Variants in WIPF1 observed in about 807,000 individuals in gnomAD.
WIPF1 encodes WAS/WASL-interacting protein family member 1.
Under a neutral mutation model 35.4 loss-of-function variants are expected in WIPF1, and 13 were observed. The ratio of observed to expected loss-of-function variants is 0.37; its 90% CI spans 0.24 to 0.58. The LOEUF (loss-of-function observed/expected upper bound fraction) is 0.58, where lower values mean the gene tolerates loss of function less well. WIPF1 is among the 20% of genes least tolerant of loss of function. WIPF1 has a pLI of 0.74. For synonymous variants in WIPF1, 267 were observed against 266.3 expected (o/e 1.00, Z -0.02); for missense variants, 591 against 667.0 (o/e 0.89, Z 1.25).
intron 3 of WIPF1, among the ~76,000 whole-genome samples, chr2:174,578,523 T>C (rs1027505118): frequency 6.6e-6 from 1 of 152,220 alleles, no homozygotes; most frequent in Non-Finnish European, 1.5e-5. Context: ...AATATATGCT[T>C]TTCTTAGAAA....
chr2:174,586,246 C>G (rs1188734277), intron 1 of WIPF1, among the ~76,000 whole-genome samples: 1 of 152,118 alleles, frequency 6.6e-6, no homozygotes, highest in Non-Finnish European at 1.5e-5. Context: ...CCAGCCATCC[C>G]TATCTCTGTG....
At chr2:174,589,501 A>G (rs747232113) in intron 1 of WIPF1, among the ~76,000 whole-genome samples, 18 of 152,180 alleles carry the variant, frequency 1.2e-4, no homozygotes, top group Non-Finnish European at 2.1e-4. Flanking sequence ...GACAGCCCAC[A>G]TCAGAGCCAC....
At chr2:174,567,475 A>G (rs1684698629) in intron 6 of WIPF1, among the ~76,000 whole-genome samples, 1 of 152,254 alleles carries the variant, frequency 6.6e-6, no homozygotes, top group Admixed American at 6.5e-5. Context: ...CCCCATTGAT[A>G]ACAATGGCAG....
intron 3 of WIPF1, among the ~76,000 whole-genome samples, chr2:174,578,376 T>C (rs1685131355): frequency 2.0e-5 from 3 of 152,232 alleles, no homozygotes; most frequent in African/African-American, 7.2e-5. Context: ...GAATGACTTA[T>C]ACAGCATTTG....
chr2:174,625,412 C>T (rs371049474), intron 1 of WIPF1, among the ~76,000 whole-genome samples: 25 of 152,242 alleles, frequency 1.6e-4, no homozygotes, highest in Middle Eastern at 3.4e-3. Context: ...CTGAAATGCC[C>T]GGGTTTGTTT....
At position 174,562,190 on chromosome 2, in the gene WIPF1, C is replaced by T; in HGVS notation, c.*357G>A. 1 of 1,550,388 alleles carries T rather than the reference C, an allele frequency of 6.4e-7. No homozygotes were observed. The highest frequency in any genetic ancestry group is 8.7e-7 in the Non-Finnish European group (1 of 1,146,960). Reference sequence around the variant, plus strand: ...AAAAGGAACGGGAGAAAACAGCTCTCAGGGACTTTAATAATTACAGTCTGT... The same window carrying T: ...AAAAGGAACGGGAGAAAACAGCTCTTAGGGACTTTAATAATTACAGTCTGT... On this transcript the variant is annotated 3_prime_UTR_variant, in exon 8 of 8. Coordinates refer to ENST00000679041, the MANE Select transcript of WIPF1 (RefSeq NM_001375834.1).
At chr2:174,602,595 C>T (rs1033765273), upstream of WIPF1, among the ~76,000 whole-genome samples, 2 of 152,088 alleles carry the variant, frequency 1.3e-5, no homozygotes, top group African/African-American at 2.4e-5. Context: ...AATCTATTTT[C>T]AAAATGTTAA....
intron 1 of WIPF1, among the ~76,000 whole-genome samples, chr2:174,682,516 G>A (rs1254275617): frequency 1.3e-5 from 2 of 152,076 alleles, no homozygotes; most frequent in African/African-American, 2.4e-5. Flanking sequence ...GGCTGTCCAC[G>A]GCCCCTTCCT....
rs538750249 is a variant in WIPF1 at position 174,631,535 on chromosome 2, T to C, written c.-38-45924A>G. On this transcript the variant is annotated intron_variant, in intron 1 of 8. Coordinates refer to the WIPF1 transcript ENST00000272746. ...CAAAATAAAGAGTTCTGGAGATTGG[T>C]TGCACAATATGAATATACTTAACGC... Among the ~76,000 whole-genome samples the C allele has an allele frequency of 1.4e-4, 22 of 152,300 alleles. 1 individual carries two copies. The South Asian group carries it at 4.3e-3, about 30-fold the overall frequency.
chr2:174,670,409 A>C (rs2105985553), intron 1 of WIPF1, among the ~76,000 whole-genome samples: 1 of 152,322 alleles, frequency 6.6e-6, no homozygotes, highest in Non-Finnish European at 1.5e-5. Context: ...AGAATTCAGA[A>C]AGCCCTTGTC....
intron 6 of WIPF1, 86 bp from the exon 7 acceptor site, chr2:174,567,269 A>G: frequency 8.1e-7 from 1 of 1,234,928 alleles, no homozygotes; most frequent in Non-Finnish European, 1.2e-6. Flanking sequence ...TGAAAGAGAG[A>G]GAGAACCACA....
Position 174,562,051 on chromosome 2 carries a change from C to T in WIPF1, c.*496G>A, listed in dbSNP as rs376585661. 12 of 1,550,144 alleles carry T rather than the reference C, an allele frequency of 7.7e-6. 1 individual carries two copies. In the South Asian group the frequency reaches 1.2e-4, roughly 15 times the overall value. ...GACAGCTCTGTCCTAGAGCCAAGCT[C>T]GGACTGCCAAAGATTGGACATCCTG... On this transcript the variant is annotated 3_prime_UTR_variant, in exon 8 of 8. Transcript: ENST00000679041.
intron 1 of WIPF1, among the ~76,000 whole-genome samples, chr2:174,621,514 G>A (rs538467755): frequency 6.6e-6 from 1 of 150,568 alleles, no homozygotes; most frequent in South Asian, 2.1e-4. Context: ...CACCCCCATC[G>A]CCCACACACT....
chr2:174,651,839 T>C (rs1687539620), intron 1 of WIPF1, among the ~76,000 whole-genome samples: 1 of 152,224 alleles, frequency 6.6e-6, no homozygotes, highest in Non-Finnish European at 1.5e-5. Context: ...AGACAGCTAT[T>C]CTCTGTTCCA....
At chr2:174,682,143 CT>C (rs1688261577) in intron 1 of WIPF1, among the ~76,000 whole-genome samples, 1 of 152,254 alleles carries the variant, frequency 6.6e-6, no homozygotes, top group Non-Finnish European at 1.5e-5. Context: ...CCCGTCCCCA[CT>C]CCGGGCGAAA....
chr2:174,588,131 A>G (rs569517140), intron 1 of WIPF1, among the ~76,000 whole-genome samples: 20 of 152,284 alleles, frequency 1.3e-4, no homozygotes, highest in African/African-American at 4.8e-4. Flanking sequence ...GATCTGATTC[A>G]GGCCTGACTA....
chr2:174,601,028 G>A (rs1450191006), upstream of WIPF1, among the ~76,000 whole-genome samples: 3 of 144,448 alleles, frequency 2.1e-5, no homozygotes, highest in Admixed American at 7.2e-5. Context: ...AGGTTCAAGC[G>A]ATTCTCATGT....
chr2:174,608,365 T>G (rs1686240192), intron 1 of WIPF1, among the ~76,000 whole-genome samples: 1 of 152,224 alleles, frequency 6.6e-6, no homozygotes. Context: ...CTCTCCATGC[T>G]GAGTTTGGCA....
intron 1 of WIPF1, among the ~76,000 whole-genome samples, chr2:174,620,376 G>C (rs1178749811): frequency 6.6e-6 from 1 of 152,138 alleles, no homozygotes; most frequent in Non-Finnish European, 1.5e-5. Context: ...CATTGTTACC[G>C]GGGTGAAAGT....
Sources: allele counts gnomAD v4.1 joint callset (sites outside exome capture counted in the v4.1 genomes callset), GRCh38; gene constraint gnomAD v4.1.1; transcripts MANE v1.5; gene names NCBI Gene and HGNC (gene_info 2026-07-23, HGNC 2026-07-21).